Variants in RNF41 observed in about 807,000 individuals in gnomAD.
RNF41 encodes E3 ubiquitin-protein ligase NRDP1.
RNF41 carries 4 observed loss-of-function variants against 33.0 expected under a neutral mutation model. The ratio of observed to expected loss-of-function variants is 0.12; its 90% CI spans 0.06 to 0.28. RNF41 has a LOEUF of 0.28. Ranked by LOEUF, RNF41 falls within the 10% of genes least tolerant of loss-of-function variation. The probability of loss-of-function intolerance (pLI) is 1.00; values close to 1 mark genes in which losing one functional copy is unlikely to be tolerated. For synonymous variants in RNF41, 164 were observed against 153.2 expected (o/e 1.07, Z -0.52); for missense variants, 228 against 432.6 (o/e 0.53, Z 4.19).
rs1220211017 is a variant in RNF41 at position 56,207,353 on chromosome 12, A to G, written c.602+293T>C. ...TCTTCTATTTCTTTTTGGCCCTCCT[A>G]GCACTCCACAGCCTTTAATACAGGG... On this transcript the variant is annotated intron_variant, in intron 6 of 6. Coordinates refer to ENST00000345093, the MANE Select transcript of RNF41 (RefSeq NM_005785.4). 6.4e-6 allele frequency: 7 copies of G among 1,092,474 alleles called. No individual in the cohort carries two copies. The African/African-American group carries it at 7.8e-5, about 12-fold the overall frequency. 67.7% of individuals were successfully genotyped at this position (1,092,474 alleles called of 1,614,324 possible). A position where few individuals can be genotyped will look rare whatever the true frequency, so the allele number is the denominator to read the frequency against.
intron 3 of RNF41, chr12:56,212,891 G>C (rs1321669293): frequency 1.2e-6 from 1 of 835,442 alleles, no homozygotes; most frequent in Non-Finnish European, 1.7e-6. Context: ...AGCCAGGAAA[G>C]AGAAAGGATT....
intron 3 of RNF41, chr12:56,213,050 G>A (rs1264388212): frequency 7.8e-7 from 1 of 1,289,646 alleles, no homozygotes; most frequent in South Asian, 1.2e-5. Context: ...AACTGACTCT[G>A]GTCTGGCAAG....
intron 1 of RNF41, among the ~76,000 whole-genome samples, chr12:56,221,337 G>A (rs746634877): frequency 1.3e-5 from 2 of 152,150 alleles, no homozygotes; most frequent in African/African-American, 2.4e-5. Context: ...GACAAGGCAT[G>A]GGAGAGGAGC....
chr12:56,216,606 G>C lies in RNF41; in HGVS notation c.-201C>G, dbSNP rs1047187479. Reference sequence around the variant, plus strand: ...GGGGATGAATGTGATGTCACAATCAGGAGTACTCTAGTAATAGGAACAAGG... The same window carrying C: ...GGGGATGAATGTGATGTCACAATCACGAGTACTCTAGTAATAGGAACAAGG... On this transcript the variant is annotated 5_prime_UTR_variant, in exon 2 of 7. Transcript: ENST00000345093. 2 of 152,196 alleles carry C rather than the reference G, an allele frequency of 1.3e-5. No homozygotes were observed. Among genetic ancestry groups the C allele is most frequent in the African/African-American group, 4.8e-5 (2 of 41,442 alleles). 9.4% of individuals were successfully genotyped at this position (152,196 alleles called of 1,614,324 possible).
At chr12:56,218,307 T>C (rs1466880122) in intron 1 of RNF41, among the ~76,000 whole-genome samples, 4 of 152,034 alleles carry the variant, frequency 2.6e-5, no homozygotes, top group Non-Finnish European at 5.9e-5. Flanking sequence ...TTGCCCAGGC[T>C]GGAGTACAGT....
rs1178707231 is a variant in RNF41, at chr12:56,207,639, C to T, written c.602+7G>A. 6.9e-6 allele frequency: 11 copies of T among 1,588,752 alleles called. No homozygotes were observed. The highest frequency in any genetic ancestry group is 9.5e-6 in the Non-Finnish European group (11 of 1,156,950). ...TGAAATCACTCCACGTCCTGAGTGA[C>T]ACTCACTCTAGGATCTCGTTGTATT... On this transcript the variant is annotated splice_region_variant and intron_variant, in intron 6 of 6. Coordinates refer to ENST00000345093, the MANE Select transcript of RNF41 (RefSeq NM_005785.4).
In RNF41 at chr12:56,210,575, G is replaced by A. The variant is rs753560879; in HGVS notation, c.91-7C>T. On this transcript the variant is annotated splice_polypyrimidine_tract_variant and splice_region_variant and intron_variant, in intron 3 of 6. Transcript: ENST00000345093. The stretch of plus-strand genomic sequence containing the variant: ...CATGTTCACAATGAGGTGCCTAGAA[G>A]AGAGAACAAGGCAAAAGGGGCGCAA... The A allele has an allele frequency of 6.2e-7, 1 of 1,610,662 alleles. No homozygotes were observed. The highest frequency in any genetic ancestry group is 1.1e-5 in the South Asian group (1 of 91,058).
rs1868299911 is a variant in RNF41, at chr12:56,207,731, G to A, written c.517C>T (p.Leu173=). 6.2e-7 allele frequency: 1 copy of A among 1,613,880 alleles called. No homozygotes were observed. The highest frequency in any genetic ancestry group is 8.5e-7 in the Non-Finnish European group (1 of 1,179,828). Residue 173 remains leucine, a synonymous_variant, in exon 6 of 7, where the codon CTA becomes TTA. Transcript: ENST00000345093. ...LAEQKRDIQL[L]KAYMRAIRSV... is the part of the protein sequence containing the mutation. ...CGGATTGCACGCATGTATGCCTTTAGCAGCTGGATGTCTCGCTTCTGTTGT... is the reference window on the plus strand; with the variant it reads ...CGGATTGCACGCATGTATGCCTTTAACAGCTGGATGTCTCGCTTCTGTTGT...
At chr12:56,207,817 C>A in intron 5 of RNF41, 68 bp from the exon 6 acceptor site, 1 of 1,271,938 alleles carries the variant, frequency 7.9e-7, no homozygotes, top group South Asian at 1.2e-5. Context: ...AAAGTTTATC[C>A]AAGAATGAGG....
At chr12:56,207,470 G>C (rs1222461472) in intron 6 of RNF41, among the ~76,000 whole-genome samples, 176 bp downstream of exon 6, 1 of 152,198 alleles carries the variant, frequency 6.6e-6, no homozygotes, top group Non-Finnish European at 1.5e-5. Context: ...ACATCCTGTA[G>C]TGGAGCTAAG....
At chr12:56,215,680 C>CTGTATT (rs1235090035) in intron 2 of RNF41, among the ~76,000 whole-genome samples, 3 of 138,666 alleles carry the variant, frequency 2.2e-5, no homozygotes, top group Non-Finnish European at 4.5e-5. Context: ...GATTGCACCA[C>CTGTATT]TGTATTCTAG....
Position 56,206,645 on chromosome 12 carries a change from C to T in RNF41, c.756G>A (p.Glu252=). 2 of 1,614,148 alleles carry T rather than the reference C, an allele frequency of 1.2e-6. No individual in the cohort carries two copies. The highest frequency in any genetic ancestry group is 2.2e-5 in the East Asian group (1 of 44,890). ...IVNELIENAH[E]RSWPQGLATL... ...TGGCCAGACCCTGGGGCCAGCTACG[C>T]TCGTGGGCATTTTCAATCAGCTCGT... Residue 252 remains glutamate (E), a synonymous_variant, in exon 7 of 7, where the codon GAG becomes GAA. Transcript: ENST00000345093. This position sits in a 1 kb window ranked among gnomAD's most constrained non-coding sequence, Gnocchi z 5.7.
At chr12:56,217,119 G>A (rs1428325349) in intron 1 of RNF41, among the ~76,000 whole-genome samples, 3 of 147,174 alleles carry the variant, frequency 2.0e-5, no homozygotes, top group Non-Finnish European at 3.0e-5. Flanking sequence ...CAGCCTGGGC[G>A]ACACAGCAAG....
chr12:56,214,646 T>C (rs2135810591), intron 2 of RNF41, among the ~76,000 whole-genome samples: 1 of 151,462 alleles, frequency 6.6e-6, no homozygotes, highest in African/African-American at 2.4e-5. Flanking sequence ...CTGGCCAACA[T>C]GATGAAAACC....
rs755628187 is a variant in RNF41, at chr12:56,202,870, CCATT to C, written c.*3573_*3576del. ...TCTTCTGTAAAAGGACAATATGACA[CCATT>C]CATAACATTCACAAGAATGAGCAGC... On this transcript the variant is annotated 3_prime_UTR_variant, in exon 7 of 7. Transcript: ENST00000345093. 1 of 152,094 alleles carries C rather than the reference CCATT, an allele frequency of 6.6e-6. No individual in the cohort carries two copies. The highest frequency in any genetic ancestry group is 1.5e-5 in the Non-Finnish European group (1 of 68,016). The allele number at this position is 152,094 out of a possible 1,614,324, so 9.4% of individuals were successfully genotyped here. A position where few individuals can be genotyped will look rare whatever the true frequency, so the allele number is the denominator to read the frequency against.
chr12:56,214,498 G>A (rs957780641), intron 2 of RNF41, among the ~76,000 whole-genome samples: 3 of 138,502 alleles, frequency 2.2e-5, no homozygotes, highest in African/African-American at 5.5e-5. Context: ...CCAGCCTGGG[G>A]AACACAGCGA....
Position 56,206,195 on chromosome 12 carries a change from T to G in RNF41, c.*252A>C, listed in dbSNP as rs1592347455. The G allele has an allele frequency of 2.3e-6, 1 of 434,782 alleles. No individual in the cohort carries two copies. 26.9% of individuals were successfully genotyped at this position (434,782 alleles called of 1,614,324 possible). On this transcript the variant is annotated 3_prime_UTR_variant, in exon 7 of 7. Coordinates refer to ENST00000345093, the MANE Select transcript of RNF41 (RefSeq NM_005785.4). This position sits in a 1 kb window ranked among gnomAD's most constrained non-coding sequence, Gnocchi z 5.7. The stretch of plus-strand genomic sequence containing the variant: ...CCCTAAGCAGGAAAATGGATGGAGG[T>G]GGGGGCTTTCCCACCCAGACTGATA...
chr12:56,217,874 C>T (rs147447241), intron 1 of RNF41, among the ~76,000 whole-genome samples: 42 of 152,302 alleles, frequency 2.8e-4, no homozygotes, highest in Non-Finnish European at 3.1e-4. Flanking sequence ...ACCATCCCCT[C>T]GCCCACCATC....
chr12:56,208,034 G>T, intron 5 of RNF41, 129 bp downstream of exon 5: 1 of 1,143,638 alleles, frequency 8.7e-7, no homozygotes, highest in Admixed American at 1.9e-5. Context: ...GCCACAGGCA[G>T]AATATCCACT....
Sources: allele counts gnomAD v4.1 joint callset (sites outside exome capture counted in the v4.1 genomes callset), GRCh38; gene constraint gnomAD v4.1.1; non-coding constraint Gnocchi (gnomAD v3.1); transcripts MANE v1.5; gene names NCBI Gene and HGNC (gene_info 2026-07-23, HGNC 2026-07-21).